The following TBL1X variants were observed in gnomAD, a reference collection of about 807,000 sequenced individuals.
TBL1X encodes transducin beta like 1 X-linked.
A neutral mutation model predicts 50.7 loss-of-function variants in TBL1X; 10 were observed. That is an observed-to-expected ratio of 0.20 (90% CI 0.12 to 0.33). The LOEUF is 0.33. TBL1X is among the 10% of genes least tolerant of loss of function. TBL1X has a pLI of 1.00. For missense variants in TBL1X, 340 were observed against 504.4 expected (o/e 0.67, Z 3.12); for synonymous variants, 190 against 214.7 (o/e 0.88, Z 1.01).
At chrX:9,707,238 C>T (rs1242088239) in intron 13 of TBL1X, among the ~76,000 whole-genome samples, 1 of 111,190 alleles carries the variant, frequency 9.0e-6, no homozygotes, top group East Asian at 2.8e-4. Flanking sequence ...CTCTCCCCAC[C>T]CCTGGCCCAG....
intron 5 of TBL1X, among the ~76,000 whole-genome samples, chrX:9,682,708 C>T (rs1260354766): frequency 8.9e-6 from 1 of 111,998 alleles, no homozygotes; most frequent in Admixed American, 9.4e-5. Flanking sequence ...CTGCCACTGC[C>T]CCTCATTGGC....
intron 1 of TBL1X, among the ~76,000 whole-genome samples, chrX:9,485,551 C>T (rs2081907057): frequency 9.0e-6 from 1 of 111,646 alleles, no homozygotes; most frequent in Admixed American, 9.5e-5. Flanking sequence ...CCTCATTGGG[C>T]CTAATTGTGC....
In TBL1X at chrX:9,691,475, A is replaced by G. The variant is rs750064775; in HGVS notation, c.617-104A>G. ...AAAAAGAAAAGGAATCATCAGAGGTAGTATTTAGTACATAAAAAAAATGTT... is the reference window on the plus strand; with the variant it reads ...AAAAAGAAAAGGAATCATCAGAGGTGGTATTTAGTACATAAAAAAAATGTT... On this transcript the variant is annotated intron_variant, in intron 7 of 17. Coordinates refer to ENST00000645353, the MANE Select transcript of TBL1X (RefSeq NM_005647.4). 21 of 726,145 alleles carry G rather than the reference A, an allele frequency of 2.9e-5. No homozygotes were observed. The East Asian group carries it at 5.0e-4, about 17-fold the overall frequency. The allele number at this position is 726,145 out of a possible 1,213,427, so 59.8% of individuals were successfully genotyped here. A position where few individuals can be genotyped will look rare whatever the true frequency, so the allele number is the denominator to read the frequency against.
chrX:9,716,222 G>T lies in TBL1X; in HGVS notation c.1710G>T (p.Val570=), dbSNP rs1051974605. 4.1e-6 allele frequency: 5 copies of T among 1,209,115 alleles called. No individual in the cohort carries two copies. The Admixed American group carries it at 6.5e-5, about 16-fold the overall frequency. The stretch of plus-strand genomic sequence containing the variant: ...AGGTGCTTTATCTTTCCTTCCAGGT[G>T]TGTGTTTTGGATCTGCGGAAGTAAC... ...KVGASASDGS[V]CVLDLRK Residue 570 remains valine (V), a splice_region_variant and synonymous_variant, in exon 18 of 18, where the codon GTG becomes GTT. Coordinates refer to ENST00000645353, the MANE Select transcript of TBL1X (RefSeq NM_005647.4).
chrX:9,674,271 C>G (rs1057457337), intron 5 of TBL1X, among the ~76,000 whole-genome samples: 10 of 110,490 alleles, frequency 9.1e-5, no homozygotes, highest in African/African-American at 3.3e-4. Context: ...ATATATATTT[C>G]ATGTGTGGGA....
intron 7 of TBL1X, among the ~76,000 whole-genome samples, chrX:9,689,060 A>G (rs1203973450): frequency 8.9e-6 from 1 of 112,957 alleles, no homozygotes; most frequent in Non-Finnish European, 1.9e-5. Context: ...GCGTGTGCGC[A>G]CCTGTGTTCC....
intron 5 of TBL1X, among the ~76,000 whole-genome samples, chrX:9,679,010 C>G (rs1280158979): frequency 9.1e-6 from 1 of 110,407 alleles, no homozygotes; most frequent in Non-Finnish European, 1.9e-5. Flanking sequence ...GTAAGCCTTT[C>G]AGTTTATCAT....
intron 2 of TBL1X, among the ~76,000 whole-genome samples, chrX:9,513,363 G>C (rs760558039): frequency 2.7e-5 from 3 of 110,630 alleles, no homozygotes; most frequent in African/African-American, 9.9e-5. Context: ...ACTCCAGTGG[G>C]GGGGTGCAGA....
chrX:9,529,792 A>G (rs1278980428), intron 2 of TBL1X, among the ~76,000 whole-genome samples: 16 of 109,275 alleles, frequency 1.5e-4, no homozygotes, highest in Non-Finnish European at 2.7e-4. Flanking sequence ...AAAAAAAAAA[A>G]AAAAAATGAC....
chrX:9,479,182 G>A (rs2081865768), intron 1 of TBL1X, among the ~76,000 whole-genome samples: 1 of 113,120 alleles, frequency 8.8e-6, no homozygotes, highest in East Asian at 2.8e-4. Context: ...GCGTAGGCCA[G>A]GCGCAGTGGC....
At chrX:9,552,055 C>T (rs924294078) in intron 2 of TBL1X, among the ~76,000 whole-genome samples, 30 of 112,179 alleles carry the variant, frequency 2.7e-4, no homozygotes, top group African/African-American at 8.4e-4. Flanking sequence ...CCGGGTTCAT[C>T]GCTGTGCAGT....
At chrX:9,566,080 A>G (rs1344599669) in intron 2 of TBL1X, among the ~76,000 whole-genome samples, 1 of 112,480 alleles carries the variant, frequency 8.9e-6, no homozygotes, top group African/African-American at 3.2e-5. Context: ...AGGATATACT[A>G]TCTGTATAAT....
At chrX:9,575,581 G>A (rs1220154654) in intron 2 of TBL1X, among the ~76,000 whole-genome samples, 1 of 111,712 alleles carries the variant, frequency 9.0e-6, no homozygotes, top group African/African-American at 3.3e-5. Context: ...TCATCAGTTG[G>A]CGGGCGTTTG....
Position 9,556,228 on chromosome X carries a change from G to A in TBL1X, c.-131+54379G>A, listed in dbSNP as rs190762033. Among the ~76,000 whole-genome samples, 5 of 109,224 alleles carry A rather than the reference G, an allele frequency of 4.6e-5. No homozygotes were observed. The East Asian group carries it at 1.2e-3, about 25-fold the overall frequency. 94.8% of individuals were successfully genotyped at this position (109,224 alleles called of 115,157 possible). A position where few individuals can be genotyped will look rare whatever the true frequency, so the allele number is the denominator to read the frequency against. On this transcript the variant is annotated intron_variant, in intron 2 of 17. Coordinates refer to ENST00000645353, the MANE Select transcript of TBL1X (RefSeq NM_005647.4). ...AACAAAACAAAAAAAACAGTACAAA[G>A]TGTTCAGTGCCGTCAGATGTTCTGA...
intron 2 of TBL1X, among the ~76,000 whole-genome samples, chrX:9,583,847 A>G (rs1375298692): frequency 8.9e-6 from 1 of 112,432 alleles, no homozygotes; most frequent in Non-Finnish European, 1.9e-5. Flanking sequence ...GCAACACATA[A>G]TGCAAAGGAA....
intron 5 of TBL1X, among the ~76,000 whole-genome samples, chrX:9,662,550 G>A (rs1278306228): frequency 8.9e-6 from 1 of 112,113 alleles, no homozygotes. Context: ...GGTGGTTGCT[G>A]GGGGATGGGG....
chrX:9,688,745 G>A (rs2083077561), intron 7 of TBL1X, among the ~76,000 whole-genome samples: 1 of 112,796 alleles, frequency 8.9e-6, no homozygotes, highest in Non-Finnish European at 1.9e-5. Flanking sequence ...TTAGGTGATT[G>A]CCTGTGAGTA....
At position 9,711,659 on chromosome X, in the gene TBL1X, C is replaced by A; in HGVS notation, c.1488C>A (p.Val496=). 1.7e-6 allele frequency: 2 copies of A among 1,209,934 alleles called. No individual in the cohort carries two copies. Among genetic ancestry groups the A allele is most frequent in the Non-Finnish European group, 2.2e-6 (2 of 894,190 alleles). ...GACTGTGGGACATAGAACGAGGCGT[C>A]TGCACCCACACGCTCACGAAGCATC... The part of the protein sequence containing the change: ...TVRLWDIERG[V]CTHTLTKHQE... Residue 496 remains valine (V), a synonymous_variant, in exon 16 of 18, where the codon GTC becomes GTA. Coordinates refer to ENST00000645353, the MANE Select transcript of TBL1X (RefSeq NM_005647.4).
At chrX:9,618,442 G>A (rs765830954) in intron 2 of TBL1X, among the ~76,000 whole-genome samples, 2 of 112,130 alleles carry the variant, frequency 1.8e-5, no homozygotes, top group Non-Finnish European at 3.8e-5. Context: ...TTGGGAGGCC[G>A]AGACGGGTGG....
Sources: allele counts gnomAD v4.1 joint callset (sites outside exome capture counted in the v4.1 genomes callset), GRCh38; gene constraint gnomAD v4.1.1; transcripts MANE v1.5; gene names NCBI Gene and HGNC (gene_info 2026-07-23, HGNC 2026-07-21).